The following DNER variants were observed in gnomAD, a reference collection of about 807,000 sequenced individuals.
The protein encoded by DNER is delta/notch like EGF repeat containing.
DNER carries 33 observed loss-of-function variants against 78.2 expected under a neutral mutation model. The observed-to-expected ratio is 0.42, with a 90% CI of 0.32 to 0.56. The LOEUF (loss-of-function observed/expected upper bound fraction) is 0.56, where lower values mean the gene tolerates loss of function less well. Ranked by LOEUF, DNER falls within the 20% of genes least tolerant of loss-of-function variation. The pLI is 0.11. For missense variants in DNER, 918 were observed against 975.3 expected, an observed-to-expected ratio of 0.94 and a Z score of 0.78; for synonymous variants, 417 against 384.8, an observed-to-expected ratio of 1.08 and a Z score of -0.98.
At chr2:229,630,809 A>C (rs773072210) in intron 1 of DNER, among the ~76,000 whole-genome samples, 2 of 152,008 alleles carry the variant, frequency 1.3e-5, no homozygotes, top group Non-Finnish European at 2.9e-5. Context: ...CCACTCTTGT[A>C]GTCCCCAATG....
chr2:229,518,491 A>G (rs1696025851), intron 5 of DNER, among the ~76,000 whole-genome samples: 1 of 152,248 alleles, frequency 6.6e-6, no homozygotes, highest in African/African-American at 2.4e-5. Flanking sequence ...ATACGAGGAG[A>G]CAGAGAGTGA....
intron 6 of DNER, among the ~76,000 whole-genome samples, chr2:229,477,694 G>A (rs1321932681): frequency 6.6e-6 from 1 of 152,200 alleles, no homozygotes; most frequent in East Asian, 1.9e-4. Flanking sequence ...GTCTAGGTAT[G>A]AGCAGTTTTA....
rs117826360 is a variant in DNER at position 229,666,948 on chromosome 2, C to T, written c.276+47200G>A. Among the ~76,000 whole-genome samples the T allele has an allele frequency of 1.1e-4, 16 of 152,312 alleles. No homozygotes were observed. The East Asian group carries it at 3.1e-3, about 29-fold the overall frequency. ...AGCACCTGATGGAAACTAACCAAAT[C>T]CTGTCCCTCTGCAGATGAAGCCAAC... On this transcript the variant is annotated intron_variant, in intron 1 of 12. Coordinates refer to ENST00000341772, the MANE Select transcript of DNER (RefSeq NM_139072.4).
At position 229,460,156 on chromosome 2, in the gene DNER, C is replaced by CAAAA. The variant is rs5839331; in HGVS notation, c.1262-12620_1262-12617dup. ...TGGGTGACAGAGTGAGACTCCGTCT[C>CAAAA]AAAAAAAAAAAAAAAAAAAAAAAAA... is the stretch of plus-strand genomic sequence containing the variant. On this transcript the variant is annotated intron_variant, in intron 7 of 12. Transcript: ENST00000341772. Among the ~76,000 whole-genome samples, 178 of 85,474 alleles carry CAAAA rather than the reference C, an allele frequency of 2.1e-3. 3 individuals carry two copies. Among genetic ancestry groups the CAAAA allele is most frequent in the African/African-American group, 5.4e-3 (127 of 23,518 alleles). The allele number at this position is 85,474 out of a possible 152,430, so 56.1% of individuals were successfully genotyped here.
chr2:229,531,448 C>G (rs10167940), intron 5 of DNER, among the ~76,000 whole-genome samples: 3,911 of 151,924 alleles, frequency 0.026, 166 homozygotes, highest in African/African-American at 0.089. Flanking sequence ...AAAAATGCAA[C>G]CAAAAGCACA....
chr2:229,589,851 T>C (rs916326880), intron 2 of DNER, among the ~76,000 whole-genome samples: 9 of 148,222 alleles, frequency 6.1e-5, no homozygotes, highest in Admixed American at 1.4e-4. Context: ...GTTTTTTAGG[T>C]AAGCTAAAAA....
intron 5 of DNER, among the ~76,000 whole-genome samples, chr2:229,532,148 T>C (rs1468032740): frequency 6.6e-6 from 1 of 152,228 alleles, no homozygotes; most frequent in East Asian, 1.9e-4. Flanking sequence ...GTTAATTTTA[T>C]GTCATTTGAA....
chr2:229,370,814 C>T (rs1460971278), intron 11 of DNER, among the ~76,000 whole-genome samples: 1 of 152,184 alleles, frequency 6.6e-6, no homozygotes, highest in Non-Finnish European at 1.5e-5. Context: ...TATGGAAGAT[C>T]ACATGAGTTC....
rs138126887 is a variant in DNER at position 229,419,891 on chromosome 2, T to C, written c.1487-1661A>G. On this transcript the variant is annotated intron_variant, in intron 8 of 12. Coordinates refer to ENST00000341772, the MANE Select transcript of DNER (RefSeq NM_139072.4). ...TGGAGACATTTTTCGTTGTCACAAC[T>C]GGAGGCAGGGGGAGGGGTTGCTGCT... Among the ~76,000 whole-genome samples, 781 of 148,544 alleles carry C rather than the reference T, an allele frequency of 5.3e-3. 3 individuals are homozygous for C. The highest frequency in any genetic ancestry group is 0.01 in the Middle Eastern group (3 of 294).
chr2:229,692,187 T>C (rs181016426), intron 1 of DNER, among the ~76,000 whole-genome samples: 38 of 152,376 alleles, frequency 2.5e-4, no homozygotes, highest in African/African-American at 8.9e-4. Flanking sequence ...CAGAGGGTCC[T>C]GACTAATACA....
intron 4 of DNER, among the ~76,000 whole-genome samples, chr2:229,568,184 A>G (rs1205850930): frequency 6.6e-6 from 1 of 152,174 alleles, no homozygotes; most frequent in Non-Finnish European, 1.5e-5. Flanking sequence ...CCGTGTTCCA[A>G]GAGGCCCCCT....
At chr2:229,602,381 A>G (rs1344777238) in intron 1 of DNER, among the ~76,000 whole-genome samples, 1 of 152,196 alleles carries the variant, frequency 6.6e-6, no homozygotes, top group Non-Finnish European at 1.5e-5. Context: ...CAAATATAAT[A>G]CTTATTGGTG....
At chr2:229,517,120 A>C (rs146336132) in intron 5 of DNER, among the ~76,000 whole-genome samples, 1 of 151,362 alleles carries the variant, frequency 6.6e-6, no homozygotes, top group Non-Finnish European at 1.5e-5. Context: ...AAAAAAAAAA[A>C]AAAAAAAGAA....
intron 8 of DNER, among the ~76,000 whole-genome samples, chr2:229,430,562 C>A (rs55727371): frequency 2.9e-4 from 44 of 152,248 alleles, no homozygotes; most frequent in Non-Finnish European, 5.9e-4. Flanking sequence ...GTGCTGGATG[C>A]TTCCTGCCCT....
chr2:229,497,774 A>C (rs1182725507), intron 6 of DNER, among the ~76,000 whole-genome samples: 1 of 152,154 alleles, frequency 6.6e-6, no homozygotes, highest in Non-Finnish European at 1.5e-5. Flanking sequence ...AAGAAATAGA[A>C]AATGTGAACA....
intron 4 of DNER, among the ~76,000 whole-genome samples, chr2:229,559,749 A>T (rs1035704250): frequency 2.6e-5 from 4 of 152,194 alleles, no homozygotes; most frequent in Admixed American, 1.3e-4. Context: ...ATGAAGGGGA[A>T]CTTTCTCCAA....
At chr2:229,563,618 A>ATCCTCC (rs1697019428) in intron 4 of DNER, among the ~76,000 whole-genome samples, 2 of 140,672 alleles carry the variant, frequency 1.4e-5, no homozygotes, top group South Asian at 2.3e-4. Flanking sequence ...CATCATCATC[A>ATCCTCC]TCACCCCATC....
chr2:229,387,877 G>C (rs895698794), intron 11 of DNER, among the ~76,000 whole-genome samples: 1 of 124,424 alleles, frequency 8.0e-6, no homozygotes, highest in Non-Finnish European at 1.9e-5. Context: ...GTGTGTGTGT[G>C]TGTGTGTGTG....
chr2:229,714,232 C>T lies in DNER; in HGVS notation c.192G>A (p.Glu64=), dbSNP rs1253137815. 1.4e-6 allele frequency: 2 copies of T among 1,410,938 alleles called. No homozygotes were observed. The highest frequency in any genetic ancestry group is 3.1e-5 in the East Asian group (1 of 32,756). The allele number at this position is 1,410,938 out of a possible 1,614,324, so 87.4% of individuals were successfully genotyped here. A position where few individuals can be genotyped will look rare whatever the true frequency, so the allele number is the denominator to read the frequency against. ...RNGGVCTSRP[E]PDPQHPAPAG... ...CGGGGGCCGGGTGCTGCGGGTCCGG[C>T]TCAGGGCGCGAGGTGCACACACCCC... Residue 64 remains glutamate, a synonymous_variant, in exon 1 of 13, where the codon GAG becomes GAA. Coordinates refer to ENST00000341772, the MANE Select transcript of DNER (RefSeq NM_139072.4).
Sources: gnomAD v4.1 joint callset for allele counts (sites outside exome capture counted in the v4.1 genomes callset) on GRCh38, gnomAD v4.1.1 for gene constraint, MANE v1.5 for transcripts, NCBI Gene and HGNC (gene_info 2026-07-23, HGNC 2026-07-21) for gene names.